Variants in CYP2C19 observed in about 807,000 individuals in gnomAD.
CYP2C19 encodes cytochrome P450 family 2 subfamily C member 19, also known as cytochrome P450 2C19.
Under a neutral mutation model 40.9 loss-of-function variants are expected in CYP2C19, and 59 were observed. The observed-to-expected ratio is 1.44, with a 90% CI of 1.17 to 1.79. The LOEUF is 1.79. CYP2C19 is among the 40% of genes most tolerant of loss of function. The pLI is 0.00. For missense variants in CYP2C19, 754 were observed against 596.9 expected (o/e 1.26, Z -2.74); for synonymous variants, 253 against 208.7 (o/e 1.21, Z -1.83).
At chr10:94,849,151 G>T (rs1255480272) in intron 7 of CYP2C19, among the ~76,000 whole-genome samples, 1 of 152,176 alleles carries the variant, frequency 6.6e-6, no homozygotes, top group Non-Finnish European at 1.5e-5. Context: ...TCCCTGTCTT[G>T]TGCCTTTAAG....
At chr10:94,843,143 T>C (rs1254880268) in intron 7 of CYP2C19, 119 bp downstream of exon 7, 1 of 1,258,504 alleles carries the variant, frequency 7.9e-7, no homozygotes, top group East Asian at 2.3e-5. Context: ...TGTATGGCAG[T>C]TTAATTGGAC....
At chr10:94,833,588 C>T (rs1478676944) in intron 6 of CYP2C19, among the ~76,000 whole-genome samples, 1 of 152,062 alleles carries the variant, frequency 6.6e-6, no homozygotes, top group Non-Finnish European at 1.5e-5. Flanking sequence ...GAAAATGTGG[C>T]ACATATACAC....
At chr10:94,780,428 T>A (rs985625619) in intron 3 of CYP2C19, 71 bp from the exon 4 acceptor site, 9 of 1,569,488 alleles carry the variant, frequency 5.7e-6, no homozygotes, top group South Asian at 1.2e-5. Context: ...ACTATTATTA[T>A]CTGTTAACAA....
intron 3 of CYP2C19, among the ~76,000 whole-genome samples, chr10:94,778,163 C>T (rs1259274090): frequency 1.3e-5 from 2 of 152,136 alleles, no homozygotes; most frequent in African/African-American, 2.4e-5. Context: ...CCCATGCAAT[C>T]TGTAGGTAAT....
chr10:94,767,781 C>T (rs530584052), intron 1 of CYP2C19, among the ~76,000 whole-genome samples: 2 of 152,220 alleles, frequency 1.3e-5, no homozygotes, highest in South Asian at 4.1e-4. Context: ...AGTACCTGTC[C>T]TTCTTCTGTC....
intron 5 of CYP2C19, among the ~76,000 whole-genome samples, chr10:94,791,333 A>G (rs7076898): frequency 0.076 from 11,545 of 151,954 alleles, 502 homozygotes; most frequent in South Asian, 0.12. Context: ...TGGATTCATT[A>G]ACTTTTTGAA....
intron 1 of CYP2C19, among the ~76,000 whole-genome samples, chr10:94,764,285 A>T (rs1476940298): frequency 6.6e-6 from 1 of 152,026 alleles, no homozygotes; most frequent in Non-Finnish European, 1.5e-5. Context: ...CAGAGTGCTG[A>T]TTTGTCCATT....
intron 3 of CYP2C19, 126 bp downstream of exon 3, chr10:94,775,665 C>A: frequency 6.5e-7 from 1 of 1,542,626 alleles, no homozygotes; most frequent in Non-Finnish European, 8.9e-7. Flanking sequence ...TCATGTGAAG[C>A]AGGGTTTGAA....
At chr10:94,798,029 G>A (rs1162060727) in intron 5 of CYP2C19, among the ~76,000 whole-genome samples, 1 of 151,874 alleles carries the variant, frequency 6.6e-6, no homozygotes, top group Non-Finnish European at 1.5e-5. Context: ...CTTGCCTTCT[G>A]CTAGCTTTGG....
At chr10:94,833,719 A>C (rs1379343467) in intron 6 of CYP2C19, among the ~76,000 whole-genome samples, 1 of 152,244 alleles carries the variant, frequency 6.6e-6, no homozygotes, top group African/African-American at 2.4e-5. Context: ...AGGGATGTTG[A>C]ATTTTATCAA....
chr10:94,814,123 A>G (rs1848966630), intron 5 of CYP2C19, among the ~76,000 whole-genome samples: 1 of 151,046 alleles, frequency 6.6e-6, no homozygotes, highest in Admixed American at 6.6e-5. Flanking sequence ...CCTACTGTCT[A>G]AACATTCCCA....
chr10:94,821,798 T>G (rs1261106425), intron 6 of CYP2C19, among the ~76,000 whole-genome samples: 2 of 151,008 alleles, frequency 1.3e-5, no homozygotes, highest in African/African-American at 4.9e-5. Flanking sequence ...TTTTTCAACT[T>G]TTTTTTATAG....
chr10:94,800,355 C>T (rs1848746527), intron 5 of CYP2C19, among the ~76,000 whole-genome samples: 1 of 152,330 alleles, frequency 6.6e-6, no homozygotes, highest in Admixed American at 6.5e-5. Flanking sequence ...GCAAATATTG[C>T]AGAACAGCAA....
chr10:94,818,500 T>C (rs1389937179), intron 5 of CYP2C19, among the ~76,000 whole-genome samples: 4 of 145,658 alleles, frequency 2.7e-5, no homozygotes, highest in Admixed American at 6.9e-5. Flanking sequence ...ATTTTCACAA[T>C]ATTGATTCTT....
rs112900332 is a variant in CYP2C19 at position 94,804,152 on chromosome 10, C to T, written c.820-16344C>T. 8.2e-3 allele frequency among the ~76,000 whole-genome samples: 1,243 copies of T among 152,184 alleles called. 15 individuals are homozygous for T. Among genetic ancestry groups the T allele is most frequent in the African/African-American group, 0.028 (1,181 of 41,520 alleles). ...TTTGAGGATGGAATGGAGAGGGCTCCACTCCTCAATCTTAGGGGAAAGGCT... is the reference window on the plus strand; with the variant it reads ...TTTGAGGATGGAATGGAGAGGGCTCTACTCCTCAATCTTAGGGGAAAGGCT... On this transcript the variant is annotated intron_variant, in intron 5 of 8. Coordinates refer to ENST00000371321, the MANE Select transcript of CYP2C19 (RefSeq NM_000769.4).
chr10:94,820,330 C>G (rs1166413901), intron 5 of CYP2C19, among the ~76,000 whole-genome samples, 166 bp from the exon 6 acceptor site: 1 of 151,994 alleles, frequency 6.6e-6, no homozygotes, highest in Admixed American at 6.6e-5. Context: ...AAAACTGGCA[C>G]AAGACAGGGA....
intron 5 of CYP2C19, among the ~76,000 whole-genome samples, chr10:94,799,729 A>G (rs1848737985): frequency 6.6e-6 from 1 of 151,876 alleles, no homozygotes; most frequent in African/African-American, 2.4e-5. Context: ...TTGTCTTCTC[A>G]CTTTATTTCT....
chr10:94,815,762 C>G (rs906024202), intron 5 of CYP2C19, among the ~76,000 whole-genome samples: 1 of 152,188 alleles, frequency 6.6e-6, no homozygotes, highest in Non-Finnish European at 1.5e-5. Flanking sequence ...TCATTGTAAA[C>G]TCATTCTCTT....
chr10:94,789,851 A>T lies in CYP2C19; in HGVS notation c.819+7854A>T, dbSNP rs186102871. Among the ~76,000 whole-genome samples the T allele has an allele frequency of 3.1e-3, 473 of 152,066 alleles. 3 individuals carry two copies. The highest frequency in any genetic ancestry group is 0.011 in the African/African-American group (450 of 41,542). Reference sequence around the variant, plus strand: ...GGCTCTTCCTTGGTTCCCTATGAAAATGAAAGTAGTTATTTTGAATTCTGT... The same window carrying T: ...GGCTCTTCCTTGGTTCCCTATGAAATTGAAAGTAGTTATTTTGAATTCTGT... On this transcript the variant is annotated intron_variant, in intron 5 of 8. Coordinates refer to ENST00000371321, the MANE Select transcript of CYP2C19 (RefSeq NM_000769.4).
Sources: allele counts gnomAD v4.1 joint callset (sites outside exome capture counted in the v4.1 genomes callset), GRCh38; gene constraint gnomAD v4.1.1; transcripts MANE v1.5; gene names NCBI Gene and HGNC (gene_info 2026-07-23, HGNC 2026-07-21).